The following NAV1 variants were observed in gnomAD, a reference collection of about 807,000 sequenced individuals.
NAV1 encodes pore membrane and/or filament interacting like protein 3.
A neutral mutation model predicts 175.2 loss-of-function variants in NAV1; 18 were observed. That is an observed-to-expected ratio of 0.10 (90% CI 0.07 to 0.15). The LOEUF is 0.15. Ranked by LOEUF, NAV1 falls within the 10% of genes least tolerant of loss-of-function variation. The pLI, the probability that NAV1 is intolerant of heterozygous loss-of-function variation, is 1.00. For missense variants in NAV1, 1,731 were observed against 2,436.6 expected (o/e 0.71, Z 6.10); for synonymous variants, 897 against 978.7 (o/e 0.92, Z 1.56).
At chr1:201,610,041 G>A (rs1667801462) in intron 2 of NAV1, among the ~76,000 whole-genome samples, 1 of 152,146 alleles carries the variant, frequency 6.6e-6, no homozygotes, top group African/African-American at 2.4e-5. Flanking sequence ...GAGGTATCCT[G>A]GAACAGAAGA....
At chr1:201,696,114 A>T (rs1671179269) in intron 1 of NAV1, among the ~76,000 whole-genome samples, 1 of 152,046 alleles carries the variant, frequency 6.6e-6, no homozygotes, top group Non-Finnish European at 1.5e-5. Context: ...GGTAGTGGGG[A>T]CAGGGCAGAC....
chr1:201,682,449 C>A (rs898116496), intron 1 of NAV1, among the ~76,000 whole-genome samples: 13 of 152,112 alleles, frequency 8.5e-5, no homozygotes, highest in African/African-American at 2.4e-4. Flanking sequence ...GACAGCAGTC[C>A]CCCACTCTCC....
intron 28 of NAV1, among the ~76,000 whole-genome samples, chr1:201,816,028 G>C (rs148107286): frequency 6.6e-6 from 1 of 151,934 alleles, no homozygotes; most frequent in African/African-American, 2.4e-5. Context: ...GTGAGCCATC[G>C]CACGCAGCTG....
At chr1:201,803,862 C>A in intron 16 of NAV1, 148 bp downstream of exon 20, 1 of 1,032,536 alleles carries the variant, frequency 9.7e-7, no homozygotes, top group East Asian at 2.8e-5. Context: ...AGAGCATGGT[C>A]TCCCAGATTC....
chr1:201,545,322 TG>T (rs1277839217), intron 1 of NAV1, among the ~76,000 whole-genome samples: 76 of 152,216 alleles, frequency 5.0e-4, no homozygotes, highest in African/African-American at 1.8e-3. Flanking sequence ...GCTCAATGTG[TG>T]TGCTTAATAA....
At chr1:201,646,183 C>T (rs1428121190), upstream of NAV1, among the ~76,000 whole-genome samples, 1 of 152,222 alleles carries the variant, frequency 6.6e-6, no homozygotes, top group Non-Finnish European at 1.5e-5. Flanking sequence ...GGCATGATAC[C>T]ACTCACATTC....
chr1:201,648,833 C>A, exon 1 of NAV1: 2 of 1,600,182 alleles, frequency 1.2e-6, no homozygotes, highest in Non-Finnish European at 1.7e-6. Context: ...GCGGCGGCGG[C>A]ATGGCCAAGG....
intron 3 of NAV1, among the ~76,000 whole-genome samples, chr1:201,749,713 A>G (rs539785063): frequency 1.3e-5 from 2 of 152,244 alleles, no homozygotes; most frequent in African/African-American, 4.8e-5. Context: ...CCTGGGCAAC[A>G]TGGCAAGACC....
At chr1:201,627,410 T>C (rs1434959352) in intron 1 of NAV1, among the ~76,000 whole-genome samples, 2 of 152,018 alleles carry the variant, frequency 1.3e-5, no homozygotes, top group African/African-American at 4.8e-5. Context: ...GTAGCTGAGA[T>C]TACAGGCATG....
chr1:201,716,243 C>T (rs1672136389), intron 2 of NAV1, among the ~76,000 whole-genome samples: 1 of 152,180 alleles, frequency 6.6e-6, no homozygotes, highest in Non-Finnish European at 1.5e-5. Context: ...CCTGTCTCAT[C>T]CCATGGTCAA....
At chr1:201,804,977 G>C (rs1678184683) in intron 17 of NAV1, among the ~76,000 whole-genome samples, 1 of 152,164 alleles carries the variant, frequency 6.6e-6, no homozygotes, top group South Asian at 2.1e-4. Flanking sequence ...ATGAACCAGA[G>C]ATAGGTGAGG....
intron 3 of NAV1, among the ~76,000 whole-genome samples, chr1:201,731,738 T>C (rs1396301915): frequency 6.6e-6 from 1 of 152,206 alleles, no homozygotes; most frequent in Non-Finnish European, 1.5e-5. Context: ...AATGACACTA[T>C]CTACACATAC....
chr1:201,716,296 G>A (rs1672138454), intron 2 of NAV1, among the ~76,000 whole-genome samples: 1 of 152,188 alleles, frequency 6.6e-6, no homozygotes. Flanking sequence ...CAGGGCGCTG[G>A]ACTGAGTTTT....
intron 3 of NAV1, among the ~76,000 whole-genome samples, chr1:201,730,354 C>A (rs1446076500): frequency 6.6e-6 from 1 of 152,216 alleles, no homozygotes; most frequent in African/African-American, 2.4e-5. Flanking sequence ...AGTGGCCCCA[C>A]CAGAACAGAA....
chr1:201,809,127 A>G lies in NAV1; in HGVS notation c.4208-37A>G, dbSNP rs752786906. On this transcript the variant is annotated intron_variant, in intron 20 of 29. Coordinates refer to ENST00000367296, the Ensembl canonical transcript of NAV1. ...GGAAAGTTTAGGAAAGGCTGCGGGT[A>G]CTCCTAAAACCAGTTGGTTCTTTTC... The G allele has an allele frequency of 3.8e-5, 60 of 1,580,834 alleles. 1 individual carries two copies. In the Admixed American group the frequency reaches 9.4e-4, roughly 25 times the overall value.
At chr1:201,618,303 A>G (rs548875680), upstream of NAV1, among the ~76,000 whole-genome samples, 596 of 152,332 alleles carry the variant, frequency 3.9e-3, 4 homozygotes, top group Non-Finnish European at 5.5e-3. Context: ...TGTTGCCTAC[A>G]GTGTCACATG....
chr1:201,704,937 C>T (rs1397949697), intron 1 of NAV1, among the ~76,000 whole-genome samples: 2 of 152,086 alleles, frequency 1.3e-5, no homozygotes, highest in African/African-American at 4.8e-5. Context: ...AGTAATTCAC[C>T]CTAGCTCCCA....
chr1:201,596,096 C>A (rs1362960607), intron 2 of NAV1, among the ~76,000 whole-genome samples: 3 of 152,210 alleles, frequency 2.0e-5, no homozygotes, highest in Non-Finnish European at 4.4e-5. Context: ...AGTTTTCTCA[C>A]CATAAAATGA....
chr1:201,651,655 G>C (rs1478529961), intron 1 of NAV1, among the ~76,000 whole-genome samples: 1 of 152,182 alleles, frequency 6.6e-6, no homozygotes, highest in Non-Finnish European at 1.5e-5. Flanking sequence ...TGAGGACTAA[G>C]TCGCAGCTCT....
Sources: allele counts gnomAD v4.1 joint callset (sites outside exome capture counted in the v4.1 genomes callset), GRCh38; gene constraint gnomAD v4.1.1; transcripts MANE v1.5; gene names NCBI Gene and HGNC (gene_info 2026-07-23, HGNC 2026-07-21).